Variants in CFAP221 observed in about 807,000 individuals in gnomAD.
The protein encoded by CFAP221 is cilia and flagella associated protein 221, also known as cilia- and flagella-associated protein 221.
CFAP221 carries 97 observed loss-of-function variants against 113.1 expected under a neutral mutation model. The ratio of observed to expected loss-of-function variants is 0.86; its 90% CI spans 0.73 to 1.02. CFAP221 has a LOEUF of 1.02. Ranked by LOEUF, CFAP221 falls within the 50% of genes least tolerant of loss-of-function variation. The pLI, the probability that CFAP221 is intolerant of heterozygous loss-of-function variation, is 0.00. For missense variants in CFAP221, 1,025 were observed against 1,013.4 expected (o/e 1.01, Z -0.16); for synonymous variants, 331 against 354.4 (o/e 0.93, Z 0.74).
At chr2:119,583,833 G>A (rs1683017143) in intron 6 of CFAP221, among the ~76,000 whole-genome samples, 1 of 152,204 alleles carries the variant, frequency 6.6e-6, no homozygotes, top group Non-Finnish European at 1.5e-5. Context: ...CTTCCATTAT[G>A]CGAAGACACA....
At chr2:119,589,779 A>T (rs2104625001) in intron 7 of CFAP221, 1 of 152,344 alleles carries the variant, frequency 6.6e-6, no homozygotes, top group Middle Eastern at 3.4e-3. Context: ...CAAAAGCTGG[A>T]CCTGCTGTTG....
At chr2:119,638,108 C>G in intron 19 of CFAP221, 151 bp from the exon 20 acceptor site, 1 of 666,644 alleles carries the variant, frequency 1.5e-6, no homozygotes, top group Admixed American at 3.0e-5. Flanking sequence ...GACACCTCTG[C>G]TCTCCTGCTT....
chr2:119,611,186 A>T (rs1685132203), intron 12 of CFAP221, among the ~76,000 whole-genome samples: 1 of 152,160 alleles, frequency 6.6e-6, no homozygotes, highest in South Asian at 2.1e-4. Context: ...GGGATGTTAA[A>T]TGTCTTTTTA....
chr2:119,637,497 A>G (rs1343695206), intron 19 of CFAP221, among the ~76,000 whole-genome samples: 2 of 152,222 alleles, frequency 1.3e-5, no homozygotes, highest in Non-Finnish European at 2.9e-5. Flanking sequence ...TTTAAAAGTT[A>G]GACAAACAAA....
intron 21 of CFAP221, among the ~76,000 whole-genome samples, chr2:119,641,015 C>G (rs1558989228): frequency 6.6e-6 from 1 of 152,130 alleles, no homozygotes; most frequent in Non-Finnish European, 1.5e-5. Flanking sequence ...TGCAGCCGTC[C>G]CATCCACCCA....
intron 6 of CFAP221, chr2:119,586,614 A>C (rs1351364205): frequency 6.6e-6 from 1 of 152,360 alleles, no homozygotes; most frequent in Admixed American, 6.5e-5. Context: ...TTTCTTCCAC[A>C]CTGTCCCGTC....
chr2:119,625,801 A>G (rs769909211), intron 15 of CFAP221, 113 bp downstream of exon 15: 13 of 797,170 alleles, frequency 1.6e-5, no homozygotes, highest in Non-Finnish European at 2.4e-5. Flanking sequence ...ACCAGTCACA[A>G]ATGTTAGTTT....
At chr2:119,646,698 A>G (rs923784833) in intron 21 of CFAP221, among the ~76,000 whole-genome samples, 1 of 152,120 alleles carries the variant, frequency 6.6e-6, no homozygotes, top group Admixed American at 6.6e-5. Flanking sequence ...TTTAAACACT[A>G]CAAACTGAAA....
intron 13 of CFAP221, among the ~76,000 whole-genome samples, chr2:119,614,902 T>G (rs769249382): frequency 6.6e-6 from 1 of 152,248 alleles, no homozygotes; most frequent in Non-Finnish European, 1.5e-5. Flanking sequence ...GGCCACAAAG[T>G]CTTGCCAATG....
intron 22 of CFAP221, among the ~76,000 whole-genome samples, chr2:119,651,492 CGAA>C (rs759192959): frequency 1.2e-4 from 1 of 8,186 alleles, no homozygotes; most frequent in Admixed American, 2.2e-3. Flanking sequence ...ACAAAAAGAT[CGAA>C]AAAAAAAAAA....
At chr2:119,643,212 A>G (rs1210268875) in intron 21 of CFAP221, among the ~76,000 whole-genome samples, 2 of 152,166 alleles carry the variant, frequency 1.3e-5, no homozygotes, top group Non-Finnish European at 2.9e-5. Flanking sequence ...ATTAGCTCCT[A>G]TTACTTACGA....
intron 7 of CFAP221, among the ~76,000 whole-genome samples, chr2:119,593,255 G>A (rs1453930224): frequency 1.3e-5 from 2 of 152,192 alleles, no homozygotes; most frequent in Non-Finnish European, 2.9e-5. Context: ...TGAGTGTGGT[G>A]TATACATATG....
intron 7 of CFAP221, among the ~76,000 whole-genome samples, chr2:119,596,071 G>C (rs557262520): frequency 6.6e-6 from 1 of 152,226 alleles, no homozygotes; most frequent in Admixed American, 6.5e-5. Flanking sequence ...GTTCTGAGTG[G>C]GATGGGAGTC....
intron 14 of CFAP221, among the ~76,000 whole-genome samples, chr2:119,622,424 A>G (rs960652682): frequency 1.3e-5 from 2 of 152,218 alleles, no homozygotes; most frequent in African/African-American, 4.8e-5. Flanking sequence ...TTCACAGCCG[A>G]ATTATACCAG....
At chr2:119,610,543 A>G (rs1037582260) in intron 12 of CFAP221, among the ~76,000 whole-genome samples, 2 of 152,070 alleles carry the variant, frequency 1.3e-5, no homozygotes, top group African/African-American at 4.8e-5. Context: ...TCCCTTCTTT[A>G]TATTGCCTAT....
At chr2:119,625,537 C>A (rs746144068) in intron 14 of CFAP221, 46 bp from the exon 15 acceptor site, 4 of 1,501,608 alleles carry the variant, frequency 2.7e-6, no homozygotes, top group Non-Finnish European at 3.7e-6. Context: ...CCAAAATGAG[C>A]GTGTGTTGAT....
intron 7 of CFAP221, among the ~76,000 whole-genome samples, chr2:119,599,594 A>G (rs945861584): frequency 5.3e-5 from 8 of 152,180 alleles, no homozygotes; most frequent in Non-Finnish European, 1.2e-4. Flanking sequence ...GTGCTGAGCC[A>G]GTGCACAGTG....
At chr2:119,597,659 G>A (rs1022592229) in intron 7 of CFAP221, among the ~76,000 whole-genome samples, 3 of 152,126 alleles carry the variant, frequency 2.0e-5, no homozygotes, top group Non-Finnish European at 4.4e-5. Flanking sequence ...GAAATTTACC[G>A]AAAAACGAAA....
intron 2 of CFAP221, among the ~76,000 whole-genome samples, chr2:119,547,114 G>T (rs1680102895): frequency 6.6e-6 from 1 of 152,138 alleles, no homozygotes; most frequent in African/African-American, 2.4e-5. Context: ...CAAATGTGAG[G>T]ACATAATAGT....
Sources: allele counts gnomAD v4.1 joint callset (sites outside exome capture counted in the v4.1 genomes callset), GRCh38; gene constraint gnomAD v4.1.1; transcripts MANE v1.5; gene names NCBI Gene and HGNC (gene_info 2026-07-23, HGNC 2026-07-21).